ARHGAP32: variants seen among roughly 807,000 people sequenced by gnomAD.
ARHGAP32 encodes the protein rho GTPase-activating protein 32.
In ARHGAP32, 51 loss-of-function variants were observed where a neutral mutation model predicts 186.5. The ratio of observed to expected loss-of-function variants is 0.27; its 90% CI spans 0.22 to 0.35. The LOEUF is 0.35. ARHGAP32 is among the 10% of genes least tolerant of loss of function. The pLI is 1.00. For synonymous variants in ARHGAP32, 950 were observed against 964.3 expected, an observed-to-expected ratio of 0.99 and a Z score of 0.27; for missense variants, 2,186 against 2,623.5, an observed-to-expected ratio of 0.83 and a Z score of 3.64.
At chr11:129,107,834 C>G (rs970639235) in intron 5 of ARHGAP32, among the ~76,000 whole-genome samples, 12 of 147,622 alleles carry the variant, frequency 8.1e-5, no homozygotes. Context: ...TGACATTGCA[C>G]TCCAGCCTGG....
At chr11:128,975,132 GA>G in intron 20 of ARHGAP32, 130 bp from the exon 21 acceptor site, 2 of 764,744 alleles carry the variant, frequency 2.6e-6, no homozygotes, top group South Asian at 3.9e-5. Flanking sequence ...TTTTCTTTCT[GA>G]AAATTCTTTC....
chr11:129,138,312 AAAAG>A lies in ARHGAP32; in HGVS notation c.226-13422_226-13419del, dbSNP rs774514978. On this transcript the variant is annotated intron_variant, in intron 2 of 22. Coordinates refer to ENST00000682385, the MANE Select transcript of ARHGAP32 (RefSeq NM_001378024.1). The stretch of plus-strand genomic sequence containing the variant: ...CCTTACTGGTAAAAAAAAAAAAAAA[AAAAG>A]AACAATGCCGTCTTAAAAAGTAGAG... 4.5e-3 allele frequency among the ~76,000 whole-genome samples: 537 copies of A among 118,858 alleles called. 4 individuals carry two copies. The highest frequency in any genetic ancestry group is 0.015 in the African/African-American group (491 of 31,832). 78.0% of individuals were successfully genotyped at this position (118,858 alleles called of 152,430 possible).
In ARHGAP32 at chr11:129,248,511, T is replaced by C. The variant is rs556001675; in HGVS notation, c.-5+30635A>G. ...CTCCTGAACAAAACATCTTTATAAG[T>C]AGTGCTCTGTGCCTAAATCACCCCA... On this transcript the variant is annotated intron_variant, in intron 1 of 6. Coordinates refer to the ARHGAP32 transcript ENST00000525234. Among the ~76,000 whole-genome samples, 5 of 152,346 alleles carry C rather than the reference T, an allele frequency of 3.3e-5. No homozygotes were observed. In the East Asian group the frequency reaches 9.6e-4, roughly 29 times the overall value.
chr11:129,266,807 GC>G (rs755947376), intron 1 of ARHGAP32, among the ~76,000 whole-genome samples: 1 of 152,058 alleles, frequency 6.6e-6, no homozygotes, highest in Non-Finnish European at 1.5e-5. Flanking sequence ...TAAAGGATGT[GC>G]CCATCTGCAG....
chr11:129,041,212 T>C (rs1460708708), intron 10 of ARHGAP32, among the ~76,000 whole-genome samples: 2 of 152,262 alleles, frequency 1.3e-5, no homozygotes, highest in Non-Finnish European at 2.9e-5. Context: ...TTATCTGTTT[T>C]ATTTGTCCAA....
At position 128,966,220 on chromosome 11, in the gene ARHGAP32, T is replaced by C. The variant is rs948888874; in HGVS notation, c.*2687A>G. 2 of 151,950 alleles carry C rather than the reference T, an allele frequency of 1.3e-5. No individual in the cohort carries two copies. The highest frequency in any genetic ancestry group is 4.8e-5 in the African/African-American group (2 of 41,364). 9.4% of individuals were successfully genotyped at this position (151,950 alleles called of 1,614,324 possible). Reference sequence around the variant, plus strand: ...AATGTCAATAGGATTAAATCACGGGTTTAATGTATAAGGCAGCTCCATTTC... The same window carrying C: ...AATGTCAATAGGATTAAATCACGGGCTTAATGTATAAGGCAGCTCCATTTC... On this transcript the variant is annotated 3_prime_UTR_variant, in exon 23 of 23. Transcript: ENST00000682385.
At chr11:129,126,469 C>G (rs1024091003) in intron 2 of ARHGAP32, among the ~76,000 whole-genome samples, 1 of 152,178 alleles carries the variant, frequency 6.6e-6, no homozygotes, top group Admixed American at 6.5e-5. Flanking sequence ...CTTGGAGACA[C>G]CATCTTTCTA....
chr11:129,167,295 G>A (rs1175616424), intron 1 of ARHGAP32, among the ~76,000 whole-genome samples: 1 of 152,134 alleles, frequency 6.6e-6, no homozygotes, highest in South Asian at 2.1e-4. Context: ...CACAGCCACT[G>A]TGGAAAAGAC....
chr11:129,191,802 G>C (rs1258527755), intron 1 of ARHGAP32, among the ~76,000 whole-genome samples: 1 of 152,050 alleles, frequency 6.6e-6, no homozygotes, highest in African/African-American at 2.4e-5. Flanking sequence ...TTCATTATGA[G>C]TGTCTACTTG....
At position 128,986,229 on chromosome 11, in the gene ARHGAP32, A is replaced by AT. The variant is rs1463240131; in HGVS notation, c.1444-145_1444-144insA. On this transcript the variant is annotated intron_variant, in intron 14 of 22. Coordinates refer to ENST00000682385, the MANE Select transcript of ARHGAP32 (RefSeq NM_001378024.1). ...AGGAAACACAACATTGTATTCAGGAAGTAAACTGTTTCCACACAGTGTGAA... is the reference window on the plus strand; with the variant it reads ...AGGAAACACAACATTGTATTCAGGAATGTAAACTGTTTCCACACAGTGTGAA... 1.6e-4 allele frequency: 114 copies of AT among 718,106 alleles called. 1 individual carries two copies. The African/African-American group carries it at 1.7e-3, about 11-fold the overall frequency. 44.5% of individuals were successfully genotyped at this position (718,106 alleles called of 1,614,324 possible).
chr11:129,031,089 A>G (rs912679938), intron 11 of ARHGAP32, among the ~76,000 whole-genome samples: 3 of 152,174 alleles, frequency 2.0e-5, no homozygotes, highest in Non-Finnish European at 4.4e-5. Flanking sequence ...TTCTTTATAA[A>G]TTACCCAATC....
chr11:129,037,294 C>T (rs1591553452), intron 11 of ARHGAP32, among the ~76,000 whole-genome samples: 1 of 151,782 alleles, frequency 6.6e-6, no homozygotes, highest in Admixed American at 6.6e-5. Flanking sequence ...GCCAGGAGTT[C>T]AGGACCAGCC....
intron 1 of ARHGAP32, among the ~76,000 whole-genome samples, chr11:129,242,673 A>C (rs535036171): frequency 1.2e-4 from 18 of 151,276 alleles, no homozygotes; most frequent in African/African-American, 4.1e-4. Context: ...AGCCGAGATC[A>C]CACCACTGCA....
At chr11:129,230,782 T>C (rs1224729520) in intron 1 of ARHGAP32, among the ~76,000 whole-genome samples, 5 of 152,118 alleles carry the variant, frequency 3.3e-5, no homozygotes, top group Non-Finnish European at 7.4e-5. Flanking sequence ...GGTTAACTTG[T>C]AAAATATAAA....
Position 128,970,957 on chromosome 11 carries a change from T to A in ARHGAP32, c.4256A>T (p.His1419Leu). The change falls in exon 23 of 23, where the codon CAT (histidine) becomes CTT (leucine). Residue 1419 changes from histidine (H) to leucine (L), a missense_variant. Physicochemically the swap from His to Leu is moderately conservative, Grantham distance 99. This residue lies in a region of ARHGAP32 where 1,502 missense variants were observed against 1,570.0 expected (regional missense o/e 0.96). Coordinates refer to ENST00000682385, the MANE Select transcript of ARHGAP32 (RefSeq NM_001378024.1). The surrounding 1 kb of genome is among the most constrained non-coding windows in gnomAD (Gnocchi z 5.8). ...CAGTGGTGCAGGAAAGCCACAGGGATGCGCAGGGACAGACTCGGCGCGCAG... is the reference window on the plus strand; with the variant it reads ...CAGTGGTGCAGGAAAGCCACAGGGAAGCGCAGGGACAGACTCGGCGCGCAG... The part of the protein sequence containing the change: ...LHLRAESVPA[H>L]PCGFPAPLPP... 1.9e-6 allele frequency: 3 copies of A among 1,613,948 alleles called. No homozygotes were observed. The highest frequency in any genetic ancestry group is 2.5e-6 in the Non-Finnish European group (3 of 1,179,962).
intron 5 of ARHGAP32, among the ~76,000 whole-genome samples, chr11:129,121,864 T>C (rs1942538957): frequency 6.6e-6 from 1 of 152,030 alleles, no homozygotes; most frequent in African/African-American, 2.4e-5. Context: ...ATAACCAGCA[T>C]TTAACAAAAT....
chr11:129,120,717 T>G (rs1677099869), intron 5 of ARHGAP32, among the ~76,000 whole-genome samples: 2 of 152,100 alleles, frequency 1.3e-5, no homozygotes, highest in Non-Finnish European at 2.9e-5. Flanking sequence ...AATTATAAAC[T>G]TTCAAGATCT....
At position 129,063,784 on chromosome 11, in the gene ARHGAP32, T is replaced by C. The variant is rs1460358202; in HGVS notation, c.885+118A>G. 4 of 1,171,116 alleles carry C rather than the reference T, an allele frequency of 3.4e-6. No individual in the cohort carries two copies. In the African/African-American group the frequency reaches 4.7e-5, roughly 14 times the overall value. 72.5% of individuals were successfully genotyped at this position (1,171,116 alleles called of 1,614,324 possible). Reference sequence around the variant, plus strand: ...TTACAGGCTGAAATATAAAAGACTATGGAAAAACCTGGTGCTTTTCATTTT... The same window carrying C: ...TTACAGGCTGAAATATAAAAGACTACGGAAAAACCTGGTGCTTTTCATTTT... On this transcript the variant is annotated intron_variant, in intron 9 of 22. Transcript: ENST00000682385.
chr11:129,119,741 T>C (rs1591631242), intron 5 of ARHGAP32, among the ~76,000 whole-genome samples: 2 of 152,062 alleles, frequency 1.3e-5, no homozygotes, highest in Non-Finnish European at 1.5e-5. Context: ...AAGATAGCAC[T>C]GGAGCCAGTA....
Sources: gnomAD v4.1 joint callset for allele counts (sites outside exome capture counted in the v4.1 genomes callset) on GRCh38, gnomAD v4.1.1 for gene constraint, gnomAD v4.1.1 regional missense constraint, Gnocchi (gnomAD v3.1) non-coding constraint, MANE v1.5 for transcripts, NCBI Gene and HGNC (gene_info 2026-07-23, HGNC 2026-07-21) for gene names.